Variants in GNAL observed in about 807,000 individuals in gnomAD.
GNAL encodes the protein G protein subunit alpha L, also known as guanine nucleotide-binding protein G(olf) subunit alpha.
In GNAL, 18 loss-of-function variants were observed where a neutral mutation model predicts 55.1. The ratio of observed to expected loss-of-function variants is 0.33; its 90% CI spans 0.23 to 0.48. GNAL has a LOEUF of 0.48. Ranked by LOEUF, GNAL falls within the 20% of genes least tolerant of loss-of-function variation. The probability of loss-of-function intolerance (pLI) is 0.99; values close to 1 mark genes in which losing one functional copy is unlikely to be tolerated. For synonymous variants in GNAL, 253 were observed against 237.0 expected, an observed-to-expected ratio of 1.07 and a Z score of -0.62; for missense variants, 412 against 614.1, an observed-to-expected ratio of 0.67 and a Z score of 3.48.
chr18:11,694,662 G>C (rs866372357), intron 1 of GNAL, among the ~76,000 whole-genome samples: 1 of 152,308 alleles, frequency 6.6e-6, no homozygotes, highest in Middle Eastern at 3.4e-3. Context: ...ACTGGGTGCG[G>C]AGGGTAGGTA....
At chr18:11,861,249 T>C (rs930373921) in intron 5 of GNAL, among the ~76,000 whole-genome samples, 1 of 151,352 alleles carries the variant, frequency 6.6e-6, no homozygotes, top group African/African-American at 2.4e-5. Flanking sequence ...CCCCGACCCC[T>C]CCCTCCTGCT....
intron 1 of GNAL, among the ~76,000 whole-genome samples, chr18:11,740,860 A>G (rs1286771740): frequency 6.6e-6 from 1 of 152,254 alleles, no homozygotes; most frequent in Non-Finnish European, 1.5e-5. Context: ...ATAGACAAAT[A>G]TGAAGCTCTG....
intron 1 of GNAL, among the ~76,000 whole-genome samples, chr18:11,710,151 C>A (rs972093671): frequency 1.3e-5 from 2 of 152,110 alleles, no homozygotes; most frequent in African/African-American, 4.8e-5. Flanking sequence ...AGGGATAAAT[C>A]CCACTTGGTC....
intron 1 of GNAL, among the ~76,000 whole-genome samples, chr18:11,715,098 T>C (rs2031923616): frequency 2.6e-5 from 4 of 151,428 alleles, no homozygotes; most frequent in African/African-American, 4.9e-5. Context: ...TGAGCCATGA[T>C]GGTGCCACTG....
At chr18:11,728,943 A>G (rs2032274784) in intron 1 of GNAL, among the ~76,000 whole-genome samples, 1 of 152,204 alleles carries the variant, frequency 6.6e-6, no homozygotes, top group Non-Finnish European at 1.5e-5. Context: ...AAGCTCTGAG[A>G]GTTTAAACAC....
At chr18:11,699,104 G>A (rs552206236) in intron 1 of GNAL, among the ~76,000 whole-genome samples, 15 of 152,198 alleles carry the variant, frequency 9.9e-5, no homozygotes, top group Admixed American at 7.2e-4. Context: ...GCATAAATCC[G>A]AATAAGGAGC....
chr18:11,751,622 A>C lies in GNAL; in HGVS notation c.377-1231A>C. 1.0e-6 allele frequency: 1 copy of C among 985,312 alleles called. No homozygotes were observed. The highest frequency in any genetic ancestry group is 1.2e-6 in the Non-Finnish European group (1 of 829,948). 61.0% of individuals were successfully genotyped at this position (985,312 alleles called of 1,614,324 possible). On this transcript the variant is annotated intron_variant, in intron 1 of 11. Coordinates refer to ENST00000334049, the MANE Select transcript of GNAL (RefSeq NM_182978.4). This position sits in a 1 kb window ranked among gnomAD's most constrained non-coding sequence, Gnocchi z 4.5. ...CAACACGGGGCGCGCGCCCAGACGC[A>C]CTTTCCCGGCTCGGGGTGCAAGAGA...
At chr18:11,695,922 G>GCACACACACA (rs10661294) in intron 1 of GNAL, among the ~76,000 whole-genome samples, 1 of 136,052 alleles carries the variant, frequency 7.4e-6, no homozygotes, top group Non-Finnish European at 1.5e-5. Context: ...ATGCACGCAT[G>GCACACACACA]CACACACACA....
chr18:11,852,932 T>C (rs527932871), intron 5 of GNAL: 1 of 167,156 alleles, frequency 6.0e-6, no homozygotes, highest in African/African-American at 2.4e-5. Context: ...CTAACAAGTT[T>C]ATAGTTATTT....
intron 4 of GNAL, among the ~76,000 whole-genome samples, chr18:11,783,074 T>C (rs1289758326): frequency 6.6e-6 from 1 of 152,248 alleles, no homozygotes; most frequent in African/African-American, 2.4e-5. Context: ...TCTGTAAATT[T>C]CACATCGCAT....
chr18:11,843,271 G>A (rs1457016184), intron 5 of GNAL, among the ~76,000 whole-genome samples: 7 of 152,212 alleles, frequency 4.6e-5, no homozygotes, highest in Non-Finnish European at 8.8e-5. Flanking sequence ...GGCCAAGGTG[G>A]GTGGATCACC....
At chr18:11,728,941 A>C (rs1326753097) in intron 1 of GNAL, among the ~76,000 whole-genome samples, 2 of 152,210 alleles carry the variant, frequency 1.3e-5, no homozygotes, top group Non-Finnish European at 2.9e-5. Context: ...CAAAGCTCTG[A>C]GAGTTTAAAC....
chr18:11,730,949 A>G (rs112061661), intron 1 of GNAL, among the ~76,000 whole-genome samples: 383 of 152,324 alleles, frequency 2.5e-3, no homozygotes, highest in African/African-American at 8.9e-3. Context: ...AGTTTGCAGC[A>G]TGTGACTTAA....
At chr18:11,814,711 A>G (rs1305505846) in intron 4 of GNAL, among the ~76,000 whole-genome samples, 2 of 152,102 alleles carry the variant, frequency 1.3e-5, no homozygotes, top group African/African-American at 2.4e-5. Context: ...AGCCTGACCA[A>G]CATGGCGAAA....
intron 5 of GNAL, among the ~76,000 whole-genome samples, chr18:11,851,164 G>A (rs968298831): frequency 2.0e-5 from 3 of 152,216 alleles, no homozygotes; most frequent in African/African-American, 7.2e-5. Flanking sequence ...AAGTGCGTGG[G>A]GGCACTAATT....
intron 4 of GNAL, among the ~76,000 whole-genome samples, chr18:11,793,638 C>T (rs1330332448): frequency 7.4e-6 from 1 of 135,756 alleles, no homozygotes; most frequent in Non-Finnish European, 1.6e-5. Context: ...TAAAAATGGA[C>T]AAAGGGGCCA....
At chr18:11,791,153 C>T (rs915962498) in intron 4 of GNAL, among the ~76,000 whole-genome samples, 2 of 152,182 alleles carry the variant, frequency 1.3e-5, no homozygotes, top group Admixed American at 1.3e-4. Context: ...CATGTCCTTT[C>T]GGCATGGTGG....
At chr18:11,801,459 A>T (rs1170421794) in intron 4 of GNAL, among the ~76,000 whole-genome samples, 1 of 152,170 alleles carries the variant, frequency 6.6e-6, no homozygotes, top group Non-Finnish European at 1.5e-5. Context: ...AGGCTGAGAC[A>T]GGAGAATCGC....
chr18:11,829,610 C>G (rs541139160), intron 5 of GNAL, among the ~76,000 whole-genome samples: 1 of 152,296 alleles, frequency 6.6e-6, no homozygotes, highest in East Asian at 1.9e-4. Context: ...CCTCAGACCA[C>G]GAGACTCGTG....
Sources: gnomAD v4.1 joint callset for allele counts (sites outside exome capture counted in the v4.1 genomes callset) on GRCh38, gnomAD v4.1.1 for gene constraint, Gnocchi (gnomAD v3.1) non-coding constraint, MANE v1.5 for transcripts, NCBI Gene and HGNC (gene_info 2026-07-23, HGNC 2026-07-21) for gene names.